The following KLHL8 variants were observed in gnomAD, a reference collection of about 807,000 sequenced individuals.
KLHL8 encodes kelch like family member 8.
Under a neutral mutation model 63.5 loss-of-function variants are expected in KLHL8, and 38 were observed. The observed-to-expected ratio is 0.60, with a 90% CI of 0.46 to 0.78. The LOEUF is 0.78. KLHL8 is among the 30% of genes least tolerant of loss of function. The pLI is 0.00. For missense variants in KLHL8, 566 were observed against 752.4 expected (o/e 0.75, Z 2.90); for synonymous variants, 224 against 254.3 (o/e 0.88, Z 1.13).
chr4:87,226,684 TAA>T (rs1491340403), intron 1 of KLHL8, among the ~76,000 whole-genome samples: 2 of 10,748 alleles, frequency 1.9e-4, no homozygotes, highest in Non-Finnish European at 2.6e-4. Flanking sequence ...TATTTATATA[TAA>T]TATATATATT....
chr4:87,217,061 A>G (rs1263954411), intron 1 of KLHL8, among the ~76,000 whole-genome samples: 1 of 152,208 alleles, frequency 6.6e-6, no homozygotes, highest in Admixed American at 6.5e-5. Flanking sequence ...GCTCAGAACA[A>G]TATTATAGTC....
At position 87,160,852 on chromosome 4, in the gene KLHL8, T is replaced by C. The variant is rs1227208470; in HGVS notation, c.*2667A>G. ...CATTTTTTGGTAGGTGCTGTTAACATATGAGGTTAAAGTGGTAAGTCTCAC... is the reference window on the plus strand; with the variant it reads ...CATTTTTTGGTAGGTGCTGTTAACACATGAGGTTAAAGTGGTAAGTCTCAC... On this transcript the variant is annotated 3_prime_UTR_variant, in exon 10 of 10. Transcript: ENST00000273963. 2 of 152,158 alleles carry C rather than the reference T, an allele frequency of 1.3e-5. No homozygotes were observed. The highest frequency in any genetic ancestry group is 4.8e-5 in the African/African-American group (2 of 41,450). 9.4% of individuals were successfully genotyped at this position (152,158 alleles called of 1,614,324 possible). A position where few individuals can be genotyped will look rare whatever the true frequency, so the allele number is the denominator to read the frequency against.
At chr4:87,210,450 C>T (rs1188029511) in intron 1 of KLHL8, among the ~76,000 whole-genome samples, 2 of 152,058 alleles carry the variant, frequency 1.3e-5, no homozygotes, top group African/African-American at 4.8e-5. Flanking sequence ...CACTGCACTC[C>T]AGCCTGGGCG....
chr4:87,175,761 T>C (rs1410092720), intron 6 of KLHL8, among the ~76,000 whole-genome samples: 2 of 152,152 alleles, frequency 1.3e-5, no homozygotes, highest in Admixed American at 6.5e-5. Flanking sequence ...ATATAAATAT[T>C]AGAACATAAA....
At chr4:87,234,913 T>C (rs1448691578) in intron 1 of KLHL8, among the ~76,000 whole-genome samples, 1 of 152,114 alleles carries the variant, frequency 6.6e-6, no homozygotes, top group Non-Finnish European at 1.5e-5. Context: ...TCTTCGTTTT[T>C]AACCAACAGT....
intron 4 of KLHL8, among the ~76,000 whole-genome samples, chr4:87,180,597 G>C (rs774425187): frequency 2.6e-5 from 4 of 152,192 alleles, no homozygotes; most frequent in Admixed American, 6.5e-5. Flanking sequence ...GCTGTATTCT[G>C]TATGTGCCTG....
At chr4:87,179,510 C>T (rs1730965371) in intron 4 of KLHL8, among the ~76,000 whole-genome samples, 2 of 152,160 alleles carry the variant, frequency 1.3e-5, no homozygotes, top group African/African-American at 2.4e-5. Flanking sequence ...TGCAGTGGCT[C>T]ATGCCTGTAA....
intron 8 of KLHL8, among the ~76,000 whole-genome samples, chr4:87,168,676 A>G (rs188052101): frequency 6.1e-4 from 91 of 149,162 alleles, no homozygotes; most frequent in African/African-American, 2.1e-3. Context: ...ATATGTGTGT[A>G]TATATGTGTG....
chr4:87,168,673 T>C (rs1419805006), intron 8 of KLHL8, among the ~76,000 whole-genome samples: 8 of 147,136 alleles, frequency 5.4e-5, no homozygotes, highest in Non-Finnish European at 3.0e-5. Context: ...TATATATGTG[T>C]GTATATATGT....
rs1323463724 is a variant in KLHL8 at position 87,161,099 on chromosome 4, G to A, written c.*2420C>T. The A allele has an allele frequency of 2.1e-5, 3 of 141,700 alleles. No individual in the cohort carries two copies. Among genetic ancestry groups the A allele is most frequent in the Non-Finnish European group, 3.0e-5 (2 of 66,670 alleles). 8.8% of individuals were successfully genotyped at this position (141,700 alleles called of 1,614,324 possible). On this transcript the variant is annotated 3_prime_UTR_variant, in exon 10 of 10. Coordinates refer to ENST00000273963, the MANE Select transcript of KLHL8 (RefSeq NM_020803.5). ...CACTCTTGTTTCACCGCTGGAGTGC[G>A]ATGGCTCAACCTCGGCTCATTGCAA... is the stretch of plus-strand genomic sequence containing the variant.
intron 1 of KLHL8, among the ~76,000 whole-genome samples, chr4:87,203,597 C>G (rs1732002232): frequency 6.7e-6 from 1 of 149,782 alleles, no homozygotes; most frequent in Non-Finnish European, 1.5e-5. Flanking sequence ...ACACTGTAGT[C>G]TGGAACTTCA....
intron 1 of KLHL8, among the ~76,000 whole-genome samples, chr4:87,230,120 C>A (rs1006710432): frequency 3.3e-5 from 5 of 152,076 alleles, no homozygotes; most frequent in African/African-American, 1.2e-4. Context: ...AGGAATAATG[C>A]AGTACTTCTG....
intron 6 of KLHL8, 65 bp downstream of exon 6, chr4:87,176,692 G>A (rs903849174): frequency 1.1e-6 from 1 of 917,154 alleles, no homozygotes; most frequent in Non-Finnish European, 1.7e-6. Flanking sequence ...TTAAAATAAG[G>A]CCTTTAAATT....
intron 1 of KLHL8, among the ~76,000 whole-genome samples, chr4:87,236,718 G>A (rs1733237981): frequency 7.0e-6 from 1 of 142,424 alleles, no homozygotes; most frequent in Admixed American, 7.2e-5. Flanking sequence ...AGGCTGGAGT[G>A]CAGTGACACA....
At chr4:87,229,524 C>A (rs577883879) in intron 1 of KLHL8, among the ~76,000 whole-genome samples, 1 of 151,302 alleles carries the variant, frequency 6.6e-6, no homozygotes, top group East Asian at 1.9e-4. Flanking sequence ...CTCTGCCTCC[C>A]GGGTTCAAGC....
intron 7 of KLHL8, 38 bp from the exon 8 acceptor site, chr4:87,170,276 G>T: frequency 6.4e-7 from 1 of 1,571,822 alleles, no homozygotes; most frequent in South Asian, 1.2e-5. Flanking sequence ...ATTAGATTTC[G>T]AATTTATTTA....
intron 1 of KLHL8, among the ~76,000 whole-genome samples, chr4:87,198,849 T>C (rs1731802828): frequency 6.6e-6 from 1 of 152,222 alleles, no homozygotes. Flanking sequence ...TGTGGCATTA[T>C]TTACAACAAC....
At chr4:87,234,043 G>A (rs143505073) in intron 1 of KLHL8, among the ~76,000 whole-genome samples, 1 of 152,164 alleles carries the variant, frequency 6.6e-6, no homozygotes, top group Admixed American at 6.5e-5. Context: ...AATGAGTTCT[G>A]GGTCCATACT....
In KLHL8 at chr4:87,185,477, T is replaced by C; in HGVS notation, c.539A>G (p.Asn180Ser). Residue 180 changes from asparagine to serine, a missense_variant, in exon 3 of 10, where the codon AAT becomes AGT. Asn to Ser is a conservative substitution (Grantham distance 46). Transcript: ENST00000273963. ...LAVRAFAESH[N>S]RIDLMDMADQ... Reference sequence around the variant, plus strand: ...CGCCATGTCCATTAAGTCTATTCGATTGTGACTTTCTGCAAAGGCTCTTAC... The same window carrying C: ...CGCCATGTCCATTAAGTCTATTCGACTGTGACTTTCTGCAAAGGCTCTTAC... The C allele has an allele frequency of 6.2e-7, 1 of 1,614,198 alleles. No homozygotes were observed.
Sources: allele counts gnomAD v4.1 joint callset (sites outside exome capture counted in the v4.1 genomes callset), GRCh38; gene constraint gnomAD v4.1.1; transcripts MANE v1.5; gene names NCBI Gene and HGNC (gene_info 2026-07-23, HGNC 2026-07-21).